CXCL13: variants seen among roughly 807,000 people sequenced by gnomAD.
CXCL13 encodes the protein C-X-C motif chemokine 13.
In CXCL13, 7 loss-of-function variants were observed where a neutral mutation model predicts 12.2. That is an observed-to-expected ratio of 0.57 (90% CI 0.33 to 1.07). The LOEUF (loss-of-function observed/expected upper bound fraction) is 1.07. Ranked by LOEUF, CXCL13 falls within the 50% of genes least tolerant of loss-of-function variation. The pLI, the probability that CXCL13 is intolerant of heterozygous loss-of-function variation, is 0.04. For missense variants in CXCL13, 113 were observed against 127.4 expected (o/e 0.89, Z 0.55); for synonymous variants, 47 against 42.4 (o/e 1.11, Z -0.42).
At chr4:77,520,789 G>C (rs1406574643) in intron 1 of CXCL13, among the ~76,000 whole-genome samples, 1 of 152,142 alleles carries the variant, frequency 6.6e-6, no homozygotes, top group East Asian at 1.9e-4. Context: ...TCTCTGTCTT[G>C]TGCCAGTTTT....
intron 1 of CXCL13, among the ~76,000 whole-genome samples, chr4:77,577,147 T>G (rs779265295): frequency 2.6e-5 from 4 of 152,278 alleles, no homozygotes; most frequent in South Asian, 4.2e-4. Flanking sequence ...AGGATGACCA[T>G]CACCTGGAGG....
chr4:77,526,953 C>G (rs984914810), intron 1 of CXCL13, among the ~76,000 whole-genome samples: 5 of 152,110 alleles, frequency 3.3e-5, no homozygotes, highest in African/African-American at 4.8e-5. Context: ...AGAAGGCAAG[C>G]GGGGCTGGAA....
intron 1 of CXCL13, among the ~76,000 whole-genome samples, chr4:77,571,647 C>A (rs1209938310): frequency 2.0e-5 from 3 of 151,692 alleles, no homozygotes; most frequent in Non-Finnish European, 4.4e-5. Flanking sequence ...AGTGCCCCGA[C>A]AAAACAAGCC....
chr4:77,531,582 A>T (rs4859856), intron 1 of CXCL13, among the ~76,000 whole-genome samples: 59,282 of 151,622 alleles, frequency 0.39, 12,127 homozygotes, highest in African/African-American at 0.51. Context: ...CAGAGCTGAG[A>T]TCAATTCCTG....
At chr4:77,551,461 G>A (rs555525745) in intron 1 of CXCL13, among the ~76,000 whole-genome samples, 31 of 152,132 alleles carry the variant, frequency 2.0e-4, no homozygotes, top group Non-Finnish European at 3.8e-4. Flanking sequence ...AATCTCTCCT[G>A]GCTTGTAAGG....
chr4:77,544,704 C>T (rs912275018), intron 1 of CXCL13, among the ~76,000 whole-genome samples: 12 of 152,292 alleles, frequency 7.9e-5, no homozygotes, highest in Non-Finnish European at 1.6e-4. Flanking sequence ...GTTGCCTGTT[C>T]ACTCTGATGG....
intron 1 of CXCL13, among the ~76,000 whole-genome samples, chr4:77,586,242 C>G (rs1212751272): frequency 1.3e-5 from 2 of 151,618 alleles, no homozygotes; most frequent in African/African-American, 4.9e-5. Context: ...GAGGCCTGGA[C>G]CAATGCCATC....
chr4:77,610,978 T>C lies in CXCL13; in HGVS notation c.279-10T>C. 1 of 1,608,722 alleles carries C rather than the reference T, an allele frequency of 6.2e-7. No homozygotes were observed. Among genetic ancestry groups the C allele is most frequent in the Non-Finnish European group, 8.5e-7 (1 of 1,178,656 alleles). On this transcript the variant is annotated splice_polypyrimidine_tract_variant and intron_variant, in intron 3 of 3. Transcript: ENST00000682537. ...AACATGACAATTTTGTTTTTGTTTC[T>C]GCTTCACAGAAGAAGTTCTTCAACT... is the stretch of plus-strand genomic sequence containing the variant.
chr4:77,589,831 A>G (rs1215158193), intron 1 of CXCL13, among the ~76,000 whole-genome samples: 2 of 152,240 alleles, frequency 1.3e-5, no homozygotes, highest in East Asian at 1.9e-4. Flanking sequence ...TTTCGCATCA[A>G]TTAGACAGAG....
Position 77,610,684 on chromosome 4 carries a change from G to A in CXCL13, c.268G>A (p.Val90Ile), listed in dbSNP as rs368584812. Residue 90 changes from valine to isoleucine, a missense_variant, in exon 3 of 4, where the codon GTA (valine) becomes ATA (isoleucine). Transcript: ENST00000682537. The part of the protein sequence containing the change: ...QAEWIQRMME[V>I]LRKRSSSTLP... ...TGAATGGATACAAAGAATGATGGAA[G>A]TATTGAGAAAGTAAGTTAGGCATAA... 58 of 1,611,766 alleles carry A rather than the reference G, an allele frequency of 3.6e-5. No individual in the cohort carries two copies. The highest frequency in any genetic ancestry group is 4.7e-5 in the Non-Finnish European group (55 of 1,177,934).
intron 1 of CXCL13, among the ~76,000 whole-genome samples, chr4:77,556,154 G>A (rs2109809778): frequency 6.6e-6 from 1 of 152,258 alleles, no homozygotes; most frequent in East Asian, 1.9e-4. Flanking sequence ...ATACACAAAT[G>A]CTCATAGTAG....
intron 3 of CXCL13, 125 bp downstream of exon 3, chr4:77,610,819 C>A: frequency 1.1e-6 from 1 of 930,700 alleles, no homozygotes; most frequent in Non-Finnish European, 1.7e-6. Flanking sequence ...GTGTGTTTTT[C>A]ACTGTTATTG....
At chr4:77,571,050 C>T (rs560933004) in intron 1 of CXCL13, among the ~76,000 whole-genome samples, 4 of 152,140 alleles carry the variant, frequency 2.6e-5, no homozygotes, top group East Asian at 1.9e-4. Flanking sequence ...GGAGTGTGAG[C>T]GCATGGCGCG....
intron 1 of CXCL13, among the ~76,000 whole-genome samples, chr4:77,515,122 T>C (rs1373071997): frequency 3.3e-5 from 5 of 152,242 alleles, no homozygotes; most frequent in East Asian, 1.9e-4. Flanking sequence ...GTTGTAGATA[T>C]GCGGAGTTAT....
chr4:77,531,662 T>G (rs1205250417), intron 1 of CXCL13, among the ~76,000 whole-genome samples: 1 of 152,122 alleles, frequency 6.6e-6, no homozygotes, highest in Non-Finnish European at 1.5e-5. Flanking sequence ...AGTCTCCCAT[T>G]ATTATTGTGT....
intron 1 of CXCL13, among the ~76,000 whole-genome samples, chr4:77,572,444 T>C (rs976407905): frequency 2.0e-5 from 3 of 151,692 alleles, no homozygotes; most frequent in Non-Finnish European, 2.9e-5. Context: ...ACAGACACTT[T>C]TCAAAAGAAG....
chr4:77,603,370 T>C (rs147050137), upstream of CXCL13, among the ~76,000 whole-genome samples: 62 of 152,318 alleles, frequency 4.1e-4, no homozygotes, highest in African/African-American at 1.3e-3. Context: ...AATAGAAGAA[T>C]AGTGCTAGGA....
intron 1 of CXCL13, among the ~76,000 whole-genome samples, chr4:77,553,905 G>A (rs1055349294): frequency 7.2e-5 from 11 of 152,198 alleles, no homozygotes; most frequent in South Asian, 2.1e-4. Context: ...AGTTAATAGC[G>A]TATTGTATTT....
At chr4:77,569,702 A>G (rs1010848498) in intron 1 of CXCL13, among the ~76,000 whole-genome samples, 1 of 152,254 alleles carries the variant, frequency 6.6e-6, no homozygotes, top group Non-Finnish European at 1.5e-5. Context: ...CATACTGCCC[A>G]AAGCAATTGA....
Sources: allele counts gnomAD v4.1 joint callset (sites outside exome capture counted in the v4.1 genomes callset), GRCh38; gene constraint gnomAD v4.1.1; transcripts MANE v1.5; gene names NCBI Gene and HGNC (gene_info 2026-07-23, HGNC 2026-07-21).